NUBPL: variants seen among roughly 807,000 people sequenced by gnomAD.
The protein encoded by NUBPL is NUBP iron-sulfur cluster assembly factor, mitochondrial.
A neutral mutation model predicts 45.7 loss-of-function variants in NUBPL; 31 were observed. The observed-to-expected ratio is 0.68, with a 90% CI of 0.51 to 0.92. NUBPL has a LOEUF of 0.92. Ranked by LOEUF, NUBPL falls within the 40% of genes least tolerant of loss-of-function variation. NUBPL has a pLI of 0.00. For missense variants in NUBPL, 401 were observed against 398.7 expected (o/e 1.01, Z -0.05); for synonymous variants, 144 against 140.9 (o/e 1.02, Z -0.15).
intron 10 of NUBPL, among the ~76,000 whole-genome samples, chr14:31,858,665 C>T (rs192044708): frequency 3.9e-4 from 59 of 152,110 alleles, no homozygotes; most frequent in African/African-American, 1.2e-3. Context: ...ACACCATTCT[C>T]GGGGAGATGA....
intron 4 of NUBPL, among the ~76,000 whole-genome samples, chr14:31,646,374 A>T (rs192769164): frequency 1.1e-3 from 167 of 152,030 alleles, no homozygotes; most frequent in Non-Finnish European, 1.8e-3. Flanking sequence ...TTTAGCAGAG[A>T]TGGGGAGTCA....
At chr14:31,739,204 A>C (rs962303876) in intron 6 of NUBPL, among the ~76,000 whole-genome samples, 49 of 116,184 alleles carry the variant, frequency 4.2e-4, no homozygotes, top group African/African-American at 1.3e-3. Flanking sequence ...ATTATATTCT[A>C]TATATATATT....
At chr14:31,610,628 A>AAG (rs1307695228) in intron 4 of NUBPL, among the ~76,000 whole-genome samples, 1 of 149,072 alleles carries the variant, frequency 6.7e-6, no homozygotes, top group Non-Finnish European at 1.5e-5. Flanking sequence ...AAAAAAAAAA[A>AAG]AAGAAAGAAA....
intron 9 of NUBPL, among the ~76,000 whole-genome samples, chr14:31,846,963 A>C (rs922514141): frequency 3.2e-5 from 4 of 123,662 alleles, no homozygotes; most frequent in Non-Finnish European, 8.0e-5. Flanking sequence ...CAAAAAAAAA[A>C]CAAAAAACAA....
At chr14:31,848,185 C>T (rs61996373) in intron 9 of NUBPL, among the ~76,000 whole-genome samples, 2,905 of 152,328 alleles carry the variant, frequency 0.019, 34 homozygotes, top group Admixed American at 0.027. Context: ...GTGCCCTAGA[C>T]TGCTATGTCT....
chr14:31,594,427 GA>G, intron 3 of NUBPL, among the ~76,000 whole-genome samples: 1 of 152,152 alleles, frequency 6.6e-6, no homozygotes, highest in Admixed American at 6.5e-5. Flanking sequence ...CAACCAAAAA[GA>G]AATCTGCCAT....
chr14:31,609,729 G>A (rs2034701167), intron 4 of NUBPL, among the ~76,000 whole-genome samples: 1 of 152,082 alleles, frequency 6.6e-6, no homozygotes, highest in Non-Finnish European at 1.5e-5. Flanking sequence ...CATCTTCTCT[G>A]ACCACAATGG....
At chr14:31,751,640 C>T (rs530476867) in intron 6 of NUBPL, among the ~76,000 whole-genome samples, 3 of 152,346 alleles carry the variant, frequency 2.0e-5, no homozygotes, top group African/African-American at 4.8e-5. Context: ...GCATTGAGTG[C>T]CTGTGGCTTT....
At chr14:31,752,821 A>G (rs181390357) in intron 6 of NUBPL, among the ~76,000 whole-genome samples, 3 of 152,232 alleles carry the variant, frequency 2.0e-5, no homozygotes, top group Admixed American at 1.3e-4. Flanking sequence ...TGAAGAAAAA[A>G]GGTTTAATGA....
At chr14:31,712,884 T>C (rs1410801949) in intron 6 of NUBPL, among the ~76,000 whole-genome samples, 2 of 151,968 alleles carry the variant, frequency 1.3e-5, no homozygotes, top group East Asian at 3.9e-4. Context: ...AGGGAAGAAA[T>C]GTAATTATGT....
intron 6 of NUBPL, among the ~76,000 whole-genome samples, chr14:31,695,345 CTTTTTT>C (rs34395195): frequency 7.1e-6 from 1 of 140,206 alleles, no homozygotes. Flanking sequence ...TGTAGTGTTC[CTTTTTT>C]TTTTTTTTTT....
intron 3 of NUBPL, among the ~76,000 whole-genome samples, chr14:31,577,400 T>G (rs1248807576): frequency 6.6e-6 from 1 of 152,200 alleles, no homozygotes; most frequent in African/African-American, 2.4e-5. Flanking sequence ...CTGCTGAGAT[T>G]GCTTGGCTTG....
chr14:31,787,442 C>T lies in NUBPL; in HGVS notation c.514-338C>T, dbSNP rs903558362. Reference sequence around the variant, plus strand: ...AAATTTAAAAAAAGGTGACAAAAAGCTAATATCTTCTTTAGGCAAAATGTG... The same window carrying T: ...AAATTTAAAAAAAGGTGACAAAAAGTTAATATCTTCTTTAGGCAAAATGTG... On this transcript the variant is annotated intron_variant, in intron 6 of 10. Coordinates refer to ENST00000281081, the MANE Select transcript of NUBPL (RefSeq NM_025152.3). Among the ~76,000 whole-genome samples the T allele has an allele frequency of 2.0e-5, 3 of 151,984 alleles. 1 individual carries two copies. In the South Asian group the frequency reaches 6.2e-4, roughly 32 times the overall value.
chr14:31,728,913 G>A (rs1028339340), intron 6 of NUBPL, among the ~76,000 whole-genome samples: 71 of 152,158 alleles, frequency 4.7e-4, no homozygotes, highest in African/African-American at 1.5e-3. Context: ...AGTTACTATA[G>A]AACTTCAAAC....
chr14:31,661,221 G>T (rs890557727), intron 4 of NUBPL, among the ~76,000 whole-genome samples: 4 of 152,172 alleles, frequency 2.6e-5, no homozygotes, highest in Admixed American at 2.6e-4. Flanking sequence ...TTATGCTTCA[G>T]TGCATGAGCT....
intron 4 of NUBPL, among the ~76,000 whole-genome samples, chr14:31,646,438 T>C (rs978597074): frequency 2.6e-5 from 4 of 152,206 alleles, no homozygotes; most frequent in African/African-American, 9.6e-5. Flanking sequence ...CCACTCAACC[T>C]TGGCCTCCCA....
intron 8 of NUBPL, among the ~76,000 whole-genome samples, chr14:31,831,945 T>C (rs567248351): frequency 1.3e-5 from 2 of 152,286 alleles, no homozygotes; most frequent in Admixed American, 1.3e-4. Context: ...TTTGCAATGA[T>C]CAAAGTTATT....
chr14:31,621,523 T>C (rs569176675), intron 4 of NUBPL, among the ~76,000 whole-genome samples: 1 of 152,262 alleles, frequency 6.6e-6, no homozygotes, highest in East Asian at 1.9e-4. Context: ...CTCTCACCAC[T>C]TCCCTTGGCT....
chr14:31,682,597 G>A (rs748684559), intron 6 of NUBPL, among the ~76,000 whole-genome samples: 72 of 151,004 alleles, frequency 4.8e-4, no homozygotes, highest in Admixed American at 2.8e-3. Flanking sequence ...TTTTTCTTAC[G>A]TTCTTTGAAT....
Sources: allele counts gnomAD v4.1 joint callset (sites outside exome capture counted in the v4.1 genomes callset), GRCh38; gene constraint gnomAD v4.1.1; transcripts MANE v1.5; gene names NCBI Gene and HGNC (gene_info 2026-07-23, HGNC 2026-07-21).